BRINP2: variants seen among roughly 807,000 people sequenced by gnomAD.
BRINP2 encodes the protein BMP/retinoic acid inducible neural specific 2.
In BRINP2, 21 loss-of-function variants were observed where a neutral mutation model predicts 69.2. That is an observed-to-expected ratio of 0.30 (90% CI 0.22 to 0.44). The LOEUF is 0.44. Ranked by LOEUF, BRINP2 falls within the 20% of genes least tolerant of loss-of-function variation. BRINP2 has a pLI of 1.00. For missense variants in BRINP2, 877 were observed against 986.0 expected (o/e 0.89, Z 1.48); for synonymous variants, 380 against 394.1 (o/e 0.96, Z 0.42).
At chr1:177,223,336 G>A (rs1336242144) in intron 1 of BRINP2, among the ~76,000 whole-genome samples, 1 of 152,154 alleles carries the variant, frequency 6.6e-6, no homozygotes, top group Non-Finnish European at 1.5e-5. Flanking sequence ...ATGTGTGTGA[G>A]TGCTGTGTGT....
intron 4 of BRINP2, among the ~76,000 whole-genome samples, chr1:177,269,815 A>G (rs1651247838): frequency 6.6e-6 from 1 of 152,156 alleles, no homozygotes; most frequent in South Asian, 2.1e-4. Flanking sequence ...GGAAGTGCTA[A>G]TGAACCTGAG....
chr1:177,245,612 T>C (rs558684788), intron 2 of BRINP2, among the ~76,000 whole-genome samples: 2 of 152,260 alleles, frequency 1.3e-5, no homozygotes, highest in Middle Eastern at 6.8e-3. Context: ...CTGTCCACAG[T>C]TGAGCAGATG....
chr1:177,184,596 T>G (rs1648371964), intron 1 of BRINP2, among the ~76,000 whole-genome samples: 2 of 152,196 alleles, frequency 1.3e-5, no homozygotes, highest in South Asian at 4.1e-4. Context: ...GTATGTCTAC[T>G]TCCCTTTTTA....
chr1:177,222,268 A>T (rs950063493), intron 1 of BRINP2, among the ~76,000 whole-genome samples: 8 of 152,180 alleles, frequency 5.3e-5, no homozygotes, highest in African/African-American at 1.7e-4. Context: ...TGGAAAAAAT[A>T]ATGGTGAACA....
At chr1:177,273,798 C>T (rs1651410758) in intron 5 of BRINP2, among the ~76,000 whole-genome samples, 2 of 152,172 alleles carry the variant, frequency 1.3e-5, no homozygotes, top group Admixed American at 6.5e-5. Context: ...TCCTATACCC[C>T]AGACCCATTG....
chr1:177,208,607 A>G (rs1020966431), intron 1 of BRINP2, among the ~76,000 whole-genome samples: 3 of 151,942 alleles, frequency 2.0e-5, no homozygotes, highest in African/African-American at 4.8e-5. Context: ...CATTTGCATC[A>G]TAGCCACAGA....
chr1:177,281,421 C>T lies in BRINP2; in HGVS notation c.2245C>T (p.Leu749Phe). 1 of 1,614,138 alleles carries T rather than the reference C, an allele frequency of 6.2e-7. No individual in the cohort carries two copies. Among genetic ancestry groups the T allele is most frequent in the Non-Finnish European group, 8.5e-7 (1 of 1,180,046 alleles). Reference sequence around the variant, plus strand: ...TTTCTCCTGCTTGCTCCGGCATCGGCTTAAGCTGGCCAACAATGAGGTGGG... The same window carrying T: ...TTTCTCCTGCTTGCTCCGGCATCGGTTTAAGCTGGCCAACAATGAGGTGGG... Reference protein sequence around the residue: ...DLFSCLLRHRLKLANNEVGRI... With the variant: ...DLFSCLLRHRFKLANNEVGRI... Residue 749 changes from leucine (L) to phenylalanine (F), a missense_variant, in exon 8 of 8, where the codon CTT (leucine) becomes TTT (phenylalanine). Leu to Phe is a conservative substitution (Grantham distance 22). This residue lies in a region of BRINP2 where 225 missense variants were observed against 218.7 expected (regional missense o/e 1.03). Coordinates refer to ENST00000361539, the MANE Select transcript of BRINP2 (RefSeq NM_021165.4).
chr1:177,242,596 G>T (rs116635901), intron 2 of BRINP2, among the ~76,000 whole-genome samples: 2,108 of 152,218 alleles, frequency 0.014, 51 homozygotes, highest in African/African-American at 0.048. Context: ...TCCTACAAGA[G>T]TTGGTTACTC....
At chr1:177,228,053 C>A (rs543556203) in intron 1 of BRINP2, among the ~76,000 whole-genome samples, 7 of 152,296 alleles carry the variant, frequency 4.6e-5, no homozygotes, top group Non-Finnish European at 5.9e-5. Context: ...GGAGCCAGAC[C>A]TAGGCTCGTA....
chr1:177,218,253 C>T (rs1312398447), intron 1 of BRINP2, among the ~76,000 whole-genome samples: 1 of 151,964 alleles, frequency 6.6e-6, no homozygotes, highest in African/African-American at 2.4e-5. Flanking sequence ...TGGAAATTTG[C>T]TGCAGGGGGT....
chr1:177,179,567 G>GCACACACACACTCCTTCTCT (rs1648188109), intron 1 of BRINP2, among the ~76,000 whole-genome samples: 1 of 150,758 alleles, frequency 6.6e-6, no homozygotes, highest in African/African-American at 2.5e-5. Flanking sequence ...AGGAAGCATG[G>GCACACACACACTCCTTCTCT]CACACACACA....
intron 2 of BRINP2, among the ~76,000 whole-genome samples, chr1:177,246,682 T>A (rs996808919): frequency 6.6e-6 from 1 of 152,256 alleles, no homozygotes; most frequent in South Asian, 2.1e-4. Context: ...GATAGCTGAC[T>A]GCTTCTGTCA....
chr1:177,275,954 T>C (rs930872367), intron 5 of BRINP2, among the ~76,000 whole-genome samples: 3 of 152,126 alleles, frequency 2.0e-5, no homozygotes, highest in Admixed American at 6.5e-5. Context: ...ATCTGAGGGG[T>C]TTAGCTAAGC....
At chr1:177,272,155 T>C (rs1651348073) in intron 4 of BRINP2, among the ~76,000 whole-genome samples, 1 of 152,154 alleles carries the variant, frequency 6.6e-6, no homozygotes. Context: ...ACTCCCTACT[T>C]CTCCTTAGGA....
intron 2 of BRINP2, among the ~76,000 whole-genome samples, chr1:177,250,036 A>G (rs1450987945): frequency 6.6e-6 from 1 of 152,138 alleles, no homozygotes; most frequent in Non-Finnish European, 1.5e-5. Flanking sequence ...GAGTCTTGCT[A>G]TGTTGCCCAG....
intron 1 of BRINP2, among the ~76,000 whole-genome samples, chr1:177,220,762 G>T (rs10913299): frequency 0.25 from 38,765 of 152,104 alleles, 5,608 homozygotes; most frequent in Non-Finnish European, 0.33. Context: ...TTGGGTTTGG[G>T]GATATGAGGG....
chr1:177,209,081 C>T lies in BRINP2; in HGVS notation c.-76-20720C>T, dbSNP rs925647821. On this transcript the variant is annotated intron_variant, in intron 1 of 7. Coordinates refer to ENST00000361539, the MANE Select transcript of BRINP2 (RefSeq NM_021165.4). ...GTGTGTGACCGCATGGGTTGTGTTC[C>T]GCTCAACAACACAGGGTGCCATTCA... 7.9e-5 allele frequency among the ~76,000 whole-genome samples: 12 copies of T among 152,126 alleles called. No individual in the cohort carries two copies. In the East Asian group the frequency reaches 9.7e-4, roughly 12 times the overall value.
rs745382634 is a variant in BRINP2 at position 177,278,770 on chromosome 1, G to A, written c.1220G>A (p.Arg407His). The A allele has an allele frequency of 4.6e-5, 74 of 1,613,826 alleles. No homozygotes were observed. Among genetic ancestry groups the A allele is most frequent in the Admixed American group, 8.3e-5 (5 of 59,994 alleles). ...CKRCHRQPRF[R>H]LPKERSLSYW... Reference sequence around the variant, plus strand: ...CGCTGCCATCGCCAGCCTCGCTTCCGCCTGCCCAAGGAGAGGTGAGCACCC... The same window carrying A: ...CGCTGCCATCGCCAGCCTCGCTTCCACCTGCCCAAGGAGAGGTGAGCACCC... The change falls in exon 7 of 8, where the codon CGC (arginine) becomes CAC (histidine). Residue 407 changes from arginine to histidine, a missense_variant. Coordinates refer to ENST00000361539, the MANE Select transcript of BRINP2 (RefSeq NM_021165.4).
In BRINP2 at chr1:177,206,203, GA is replaced by G. The variant is rs34683283; in HGVS notation, c.-76-23597del. On this transcript the variant is annotated intron_variant, in intron 1 of 7. Transcript: ENST00000361539. Reference sequence around the variant, plus strand: ...ATCCTCTTTCCCCAGTCAAACTTCAGATGACTGAAGCCTTGGCAGGCATTAT... The same window carrying G: ...ATCCTCTTTCCCCAGTCAAACTTCAGTGACTGAAGCCTTGGCAGGCATTAT... Among the ~76,000 whole-genome samples the G allele has an allele frequency of 3.9e-3, 594 of 152,288 alleles. 6 individuals are homozygous for G. Among genetic ancestry groups the G allele is most frequent in the African/African-American group, 0.014 (570 of 41,560 alleles).
Sources: allele counts gnomAD v4.1 joint callset (sites outside exome capture counted in the v4.1 genomes callset), GRCh38; gene constraint gnomAD v4.1.1; regional missense constraint gnomAD v4.1.1; transcripts MANE v1.5; gene names NCBI Gene and HGNC (gene_info 2026-07-23, HGNC 2026-07-21).